NAALADL2: variants seen among roughly 807,000 people sequenced by gnomAD.
The protein encoded by NAALADL2 is inactive N-acetylated-alpha-linked acidic dipeptidase-like protein 2.
In NAALADL2, 76 loss-of-function variants were observed where a neutral mutation model predicts 87.2. That is an observed-to-expected ratio of 0.87 (90% CI 0.72 to 1.05). NAALADL2 has a LOEUF of 1.05. Among genes scored for constraint, NAALADL2 ranks in the 50% least tolerant of loss-of-function variants. The pLI is 0.00. For synonymous variants in NAALADL2, 354 were observed against 331.0 expected, an observed-to-expected ratio of 1.07 and a Z score of -0.75; for missense variants, 1,089 against 945.8, an observed-to-expected ratio of 1.15 and a Z score of -1.99.
At chr3:174,469,402 C>T (rs368001858) in intron 1 of NAALADL2, among the ~76,000 whole-genome samples, 22 of 151,042 alleles carry the variant, frequency 1.5e-4, no homozygotes, top group African/African-American at 3.9e-4. Flanking sequence ...GGACTACAGG[C>T]GTGTGCCACC....
At chr3:175,196,015 G>C (rs1401463962) in intron 2 of NAALADL2, among the ~76,000 whole-genome samples, 3 of 151,834 alleles carry the variant, frequency 2.0e-5, no homozygotes, top group African/African-American at 7.2e-5. Context: ...AAGCCCATGG[G>C]GTTTGGGTAG....
Position 175,048,282 on chromosome 3 carries a change from C to A in NAALADL2, c.44-48508C>A, listed in dbSNP as rs1037186995. Among the ~76,000 whole-genome samples the A allele has an allele frequency of 3.9e-5, 6 of 152,070 alleles. No homozygotes were observed. In the East Asian group the frequency reaches 5.8e-4, roughly 15 times the overall value. ...TAAAATCAAATTGGCAAGTTTATAC[C>A]TATTGTGGAAAGGAAGAAAGGGAGA... On this transcript the variant is annotated intron_variant, in intron 1 of 13. Coordinates refer to ENST00000454872, the MANE Select transcript of NAALADL2 (RefSeq NM_207015.3).
chr3:174,667,005 CA>C (rs1223125080), intron 2 of NAALADL2, among the ~76,000 whole-genome samples: 1 of 152,126 alleles, frequency 6.6e-6, no homozygotes. Flanking sequence ...TAGCATATGA[CA>C]AGATGGCCTT....
intron 9 of NAALADL2, among the ~76,000 whole-genome samples, chr3:175,492,826 A>T (rs1728291223): frequency 6.6e-6 from 1 of 152,100 alleles, no homozygotes; most frequent in Admixed American, 6.6e-5. Context: ...TAAGAAAACC[A>T]TCTAGTCCCC....
intron 11 of NAALADL2, among the ~76,000 whole-genome samples, chr3:175,700,315 T>C (rs1738814937): frequency 6.6e-6 from 1 of 152,144 alleles, no homozygotes. Flanking sequence ...TGATAGGATA[T>C]GAGTTTTTCA....
At chr3:174,749,012 AAAT>A (rs1734558045) in intron 3 of NAALADL2, among the ~76,000 whole-genome samples, 1 of 152,144 alleles carries the variant, frequency 6.6e-6, no homozygotes, top group Non-Finnish European at 1.5e-5. Context: ...CCTTTGATGG[AAAT>A]AATAATAATA....
intron 2 of NAALADL2, among the ~76,000 whole-genome samples, chr3:175,123,355 G>C (rs568544789): frequency 1.2e-3 from 181 of 151,926 alleles, no homozygotes; most frequent in African/African-American, 4.1e-3. Flanking sequence ...GTAGGGCAAT[G>C]GTCCCAAGTC....
chr3:175,610,709 A>G (rs1228219896), intron 10 of NAALADL2, among the ~76,000 whole-genome samples: 1 of 152,090 alleles, frequency 6.6e-6, no homozygotes, highest in Non-Finnish European at 1.5e-5. Flanking sequence ...GAGACATTGC[A>G]TTCACATGAA....
chr3:175,803,216 C>A lies in NAALADL2; in HGVS notation c.*13C>A, dbSNP rs1405572688. ...TGGGAAGAATTGAGAAAACTCTGAGCATTTTTAAAAGTTTGTTTACAATTC... is the reference window on the plus strand; with the variant it reads ...TGGGAAGAATTGAGAAAACTCTGAGAATTTTTAAAAGTTTGTTTACAATTC... On this transcript the variant is annotated 3_prime_UTR_variant, in exon 14 of 14. Transcript: ENST00000454872. The A allele has an allele frequency of 6.4e-7, 1 of 1,568,892 alleles. No individual in the cohort carries two copies. Among genetic ancestry groups the A allele is most frequent in the Non-Finnish European group, 8.7e-7 (1 of 1,155,462 alleles).
chr3:175,245,889 C>T (rs1747882952), intron 3 of NAALADL2, among the ~76,000 whole-genome samples: 1 of 152,172 alleles, frequency 6.6e-6, no homozygotes, highest in Non-Finnish European at 1.5e-5. Flanking sequence ...AATACCTCTC[C>T]TCTTATGCCA....
intron 9 of NAALADL2, among the ~76,000 whole-genome samples, chr3:175,474,300 T>G (rs1346622185): frequency 6.6e-6 from 1 of 152,210 alleles, no homozygotes; most frequent in Non-Finnish European, 1.5e-5. Flanking sequence ...CTTTAAAGTA[T>G]TATTATGAAA....
intron 2 of NAALADL2, among the ~76,000 whole-genome samples, chr3:174,601,085 CTT>C (rs1193738882): frequency 3.3e-5 from 5 of 152,122 alleles, no homozygotes; most frequent in Admixed American, 2.6e-4. Flanking sequence ...CAATTATACT[CTT>C]TCAGTTATTT....
intron 13 of NAALADL2, among the ~76,000 whole-genome samples, chr3:175,775,480 GAACA>G (rs1373680597): frequency 3.9e-5 from 6 of 151,936 alleles, no homozygotes; most frequent in Non-Finnish European, 7.4e-5. Context: ...ACAAACAAAT[GAACA>G]AACAAACTGC....
At chr3:174,845,950 G>A (rs1016393875) in intron 3 of NAALADL2, among the ~76,000 whole-genome samples, 3 of 152,162 alleles carry the variant, frequency 2.0e-5, no homozygotes, top group African/African-American at 7.2e-5. Flanking sequence ...GTTTCAAGAT[G>A]GCACCATGGT....
At chr3:175,292,147 G>T (rs1156805834) in intron 4 of NAALADL2, among the ~76,000 whole-genome samples, 5 of 152,128 alleles carry the variant, frequency 3.3e-5, no homozygotes, top group Non-Finnish European at 7.4e-5. Flanking sequence ...TTTGTCATTT[G>T]AGTAAATGCA....
intron 9 of NAALADL2, among the ~76,000 whole-genome samples, chr3:175,495,073 CAT>C (rs372953738): frequency 0.031 from 3,868 of 126,118 alleles, 200 homozygotes; most frequent in African/African-American, 0.11. Context: ...TAAGCAATCC[CAT>C]ATATATATAT....
intron 5 of NAALADL2, among the ~76,000 whole-genome samples, chr3:175,382,014 C>CTTGTCCTG (rs1477149255): frequency 6.6e-6 from 1 of 152,150 alleles, no homozygotes; most frequent in East Asian, 1.9e-4. Context: ...ACTGCTGTGT[C>CTTGTCCTG]TTGTCCTGTC....
chr3:174,994,771 A>G (rs958914699), intron 1 of NAALADL2, among the ~76,000 whole-genome samples: 46 of 152,190 alleles, frequency 3.0e-4, no homozygotes, highest in African/African-American at 9.7e-4. Context: ...GAAATTCTCA[A>G]ATTTTTAATT....
chr3:175,338,364 T>C (rs1762210350), intron 5 of NAALADL2, among the ~76,000 whole-genome samples: 1 of 151,822 alleles, frequency 6.6e-6, no homozygotes, highest in African/African-American at 2.4e-5. Flanking sequence ...AAAAGCCTAC[T>C]GAAGACAATG....
Sources: allele counts gnomAD v4.1 joint callset (sites outside exome capture counted in the v4.1 genomes callset), GRCh38; gene constraint gnomAD v4.1.1; transcripts MANE v1.5; gene names NCBI Gene and HGNC (gene_info 2026-07-23, HGNC 2026-07-21).